Variants in TMEM132C observed in about 807,000 individuals in gnomAD.
TMEM132C encodes protein phosphatase 1, regulatory subunit 152.
A neutral mutation model predicts 61.4 loss-of-function variants in TMEM132C; 29 were observed. The ratio of observed to expected loss-of-function variants is 0.47; its 90% CI spans 0.35 to 0.64. TMEM132C has a LOEUF of 0.64. Ranked by LOEUF, TMEM132C falls within the 30% of genes least tolerant of loss-of-function variation. TMEM132C has a pLI of 0.00. For missense variants in TMEM132C, 1,408 were observed against 1,476.9 expected, an observed-to-expected ratio of 0.95 and a Z score of 0.76; for synonymous variants, 656 against 633.1, an observed-to-expected ratio of 1.04 and a Z score of -0.54.
chr12:128,305,944 G>T (rs1452872677), intron 1 of TMEM132C, among the ~76,000 whole-genome samples: 1 of 152,232 alleles, frequency 6.6e-6, no homozygotes, highest in South Asian at 2.1e-4. Flanking sequence ...TTATCTCAAG[G>T]AGTCAGTAAT....
At chr12:128,527,745 C>A (rs1311559871) in intron 2 of TMEM132C, among the ~76,000 whole-genome samples, 1 of 149,198 alleles carries the variant, frequency 6.7e-6, no homozygotes, top group Non-Finnish European at 1.5e-5. Context: ...TACATCCATA[C>A]CATTTCCCCT....
chr12:128,635,313 A>G (rs946128304), intron 4 of TMEM132C, among the ~76,000 whole-genome samples: 1 of 152,220 alleles, frequency 6.6e-6, no homozygotes, highest in Non-Finnish European at 1.5e-5. Flanking sequence ...CCTGCATACT[A>G]AAGATTCTTG....
rs192149575 is a variant in TMEM132C, at chr12:128,667,001, C to T, written c.1306-2416C>T. Among the ~76,000 whole-genome samples the T allele has an allele frequency of 2.6e-3, 399 of 152,236 alleles. 1 individual carries two copies. The highest frequency in any genetic ancestry group is 0.01 in the South Asian group (50 of 4,814). The stretch of plus-strand genomic sequence containing the variant: ...AGGAGAATGGCGTGAACCCGGGAGG[C>T]GGAGCTTGCAGTGAGCCGAGGTCGC... On this transcript the variant is annotated intron_variant, in intron 4 of 8. Transcript: ENST00000435159.
chr12:128,409,058 G>A (rs1423875604), intron 1 of TMEM132C, among the ~76,000 whole-genome samples: 1 of 152,116 alleles, frequency 6.6e-6, no homozygotes, highest in Non-Finnish European at 1.5e-5. Context: ...TGGGTTTTCT[G>A]GGGGTTTTAA....
chr12:128,700,122 G>A (rs902949427), intron 8 of TMEM132C, among the ~76,000 whole-genome samples: 1 of 152,144 alleles, frequency 6.6e-6, no homozygotes. Context: ...GGGTATGGCC[G>A]GCCGCTCCCC....
chr12:128,682,874 G>A (rs928002442), intron 5 of TMEM132C, among the ~76,000 whole-genome samples: 4 of 152,164 alleles, frequency 2.6e-5, no homozygotes, highest in African/African-American at 9.7e-5. Flanking sequence ...CCCAGGCAAC[G>A]GCTGCTGGCG....
chr12:128,272,849 T>A (rs1327107941), intron 1 of TMEM132C, among the ~76,000 whole-genome samples: 1 of 152,218 alleles, frequency 6.6e-6, no homozygotes. Flanking sequence ...ACCCATTTTT[T>A]ATTGATTATT....
At chr12:128,455,782 C>T (rs1870318709) in intron 2 of TMEM132C, among the ~76,000 whole-genome samples, 1 of 152,088 alleles carries the variant, frequency 6.6e-6, no homozygotes, top group Admixed American at 6.6e-5. Flanking sequence ...CAGGTGTGGG[C>T]CAGGGCACAG....
chr12:128,507,398 C>A (rs201886348), intron 2 of TMEM132C, among the ~76,000 whole-genome samples: 1 of 106,544 alleles, frequency 9.4e-6, no homozygotes, highest in Non-Finnish European at 1.9e-5. Context: ...TTTTTTTTTT[C>A]TTTCTTTTTT....
chr12:128,441,450 T>C (rs1326681807), intron 2 of TMEM132C, among the ~76,000 whole-genome samples: 1 of 152,218 alleles, frequency 6.6e-6, no homozygotes, highest in Non-Finnish European at 1.5e-5. Context: ...GCTAAAAGCA[T>C]AGCTGCTTCC....
chr12:128,300,331 G>A (rs1208599421), intron 1 of TMEM132C, among the ~76,000 whole-genome samples: 1 of 152,170 alleles, frequency 6.6e-6, no homozygotes, highest in Non-Finnish European at 1.5e-5. Context: ...TCAGGTTCCA[G>A]CCTCATGAAC....
chr12:128,312,419 C>A (rs1013391932), intron 1 of TMEM132C, among the ~76,000 whole-genome samples: 4 of 152,126 alleles, frequency 2.6e-5, no homozygotes, highest in Non-Finnish European at 5.9e-5. Context: ...GATCCTCCCA[C>A]CTCAGCCTCC....
At chr12:128,454,643 C>T (rs1043024551) in intron 2 of TMEM132C, among the ~76,000 whole-genome samples, 1 of 152,168 alleles carries the variant, frequency 6.6e-6, no homozygotes, top group Non-Finnish European at 1.5e-5. Flanking sequence ...ATAGGACCTC[C>T]AGGATGGAGC....
At chr12:128,607,280 A>G (rs1876459539) in intron 3 of TMEM132C, among the ~76,000 whole-genome samples, 1 of 152,174 alleles carries the variant, frequency 6.6e-6, no homozygotes, top group Admixed American at 6.5e-5. Flanking sequence ...GGGGAGGGGT[A>G]GGAGAGTCCC....
intron 5 of TMEM132C, among the ~76,000 whole-genome samples, chr12:128,689,393 A>T (rs960168413): frequency 2.6e-5 from 4 of 152,200 alleles, no homozygotes; most frequent in African/African-American, 9.7e-5. Flanking sequence ...AGCTCAAAGA[A>T]AAAGAAAGAA....
chr12:128,529,751 A>T (rs193070618), intron 2 of TMEM132C, among the ~76,000 whole-genome samples: 2 of 152,282 alleles, frequency 1.3e-5, no homozygotes, highest in African/African-American at 4.8e-5. Context: ...GTGCCACTGC[A>T]CTCCAGCCTG....
intron 1 of TMEM132C, among the ~76,000 whole-genome samples, chr12:128,400,979 C>T (rs1245484972): frequency 6.6e-6 from 1 of 152,120 alleles, no homozygotes; most frequent in Non-Finnish European, 1.5e-5. Flanking sequence ...GGGAGCAAAA[C>T]TGCCTCTGAG....
intron 1 of TMEM132C, among the ~76,000 whole-genome samples, chr12:128,332,214 CT>C (rs1274373525): frequency 6.6e-6 from 1 of 152,178 alleles, no homozygotes; most frequent in Non-Finnish European, 1.5e-5. Flanking sequence ...AAAATGGTTT[CT>C]TAATGTCTTA....
intron 1 of TMEM132C, among the ~76,000 whole-genome samples, chr12:128,384,404 G>T (rs1419495193): frequency 3.3e-5 from 5 of 152,218 alleles, no homozygotes; most frequent in Non-Finnish European, 7.3e-5. Context: ...GGCAGGCAGG[G>T]TTGTACCATT....
Sources: gnomAD v4.1 joint callset for allele counts (sites outside exome capture counted in the v4.1 genomes callset) on GRCh38, gnomAD v4.1.1 for gene constraint, MANE v1.5 for transcripts, NCBI Gene and HGNC (gene_info 2026-07-23, HGNC 2026-07-21) for gene names.